Variants in ABCA9 observed in about 807,000 individuals in gnomAD.
ABCA9 encodes the protein ATP-binding cassette sub-family A member 9.
Under a neutral mutation model 205.3 loss-of-function variants are expected in ABCA9, and 183 were observed. The observed-to-expected ratio is 0.89, with a 90% CI of 0.79 to 1.01. The LOEUF is 1.01. ABCA9 is among the 50% of genes least tolerant of loss of function. The pLI is 0.00. For missense variants in ABCA9, 1,805 were observed against 1,912.4 expected, an observed-to-expected ratio of 0.94 and a Z score of 1.05; for synonymous variants, 651 against 683.3, an observed-to-expected ratio of 0.95 and a Z score of 0.74.
intron 35 of ABCA9, 90 bp from the exon 36 acceptor site, chr17:68,983,939 CAT>C: frequency 1.9e-6 from 3 of 1,602,812 alleles, no homozygotes; most frequent in Non-Finnish European, 2.6e-6. Context: ...AGTAAGGCCA[CAT>C]AGAGTTGGAA....
intron 12 of ABCA9, 38 bp downstream of exon 12, chr17:69,028,497 T>G (rs771540665): frequency 1.8e-5 from 25 of 1,398,468 alleles, no homozygotes; most frequent in Non-Finnish European, 2.5e-5. Flanking sequence ...ATTAATGTGT[T>G]TGTCCAGGTA....
At chr17:69,058,037 G>C (rs1230550000) in intron 1 of ABCA9, among the ~76,000 whole-genome samples, 3 of 152,182 alleles carry the variant, frequency 2.0e-5, no homozygotes, top group Admixed American at 6.5e-5. Context: ...GAAAGTTGTA[G>C]AGCTTTAGTG....
Position 69,027,390 on chromosome 17 carries a change from G to A in ABCA9, c.1851C>T (p.Asn617=), listed in dbSNP as rs139620510. ...MENIQDILAQ[N]LSGGQNRKLT... ...GTTTCCTATTTTGTCCACCACTTAA[G>A]TTTTGAGCAAGGATGTCTTGAATAT... Residue 617 remains asparagine (N), a synonymous_variant, in exon 14 of 39, where the codon AAC becomes AAT. Transcript: ENST00000340001. The A allele has an allele frequency of 1.6e-4, 263 of 1,613,220 alleles. No individual in the cohort carries two copies. Among genetic ancestry groups the A allele is most frequent in the Non-Finnish European group, 2.1e-4 (249 of 1,179,610 alleles).
chr17:68,975,933 G>A lies in ABCA9; in HGVS notation c.4857C>T (p.Leu1619=). 2 of 1,612,912 alleles carry A rather than the reference G, an allele frequency of 1.2e-6. No individual in the cohort carries two copies. The highest frequency in any genetic ancestry group is 1.7e-6 in the Non-Finnish European group (2 of 1,179,428). Residue 1619 remains leucine, a synonymous_variant, in exon 39 of 39, where the codon CTC becomes CTT. Coordinates refer to ENST00000340001, the MANE Select transcript of ABCA9 (RefSeq NM_080283.4). ...TGGAGCTTTAAGGCTCTTCCTGCAG[G>A]AGGAGTTTCCACTTCACCGAGGGAT... ...DFDPSVKWKL[L]LQEEP is the part of the protein sequence containing the mutation.
In ABCA9 at chr17:69,046,957, G is replaced by A. The variant is rs139098132; in HGVS notation, c.305-1621C>T. 4.6e-3 allele frequency among the ~76,000 whole-genome samples: 628 copies of A among 136,416 alleles called. 7 individuals are homozygous for A. The highest frequency in any genetic ancestry group is 0.016 in the African/African-American group (599 of 36,512). The allele number at this position is 136,416 out of a possible 152,430, so 89.5% of individuals were successfully genotyped here. ...AAATTTTATATATATATATATAATT[G>A]TTGTTTGTTGGTTTGTGTTTTTGAG... On this transcript the variant is annotated intron_variant, in intron 3 of 38. Coordinates refer to ENST00000340001, the MANE Select transcript of ABCA9 (RefSeq NM_080283.4).
At chr17:69,025,212 G>T (rs2144321543) in intron 16 of ABCA9, among the ~76,000 whole-genome samples, 1 of 152,244 alleles carries the variant, frequency 6.6e-6, no homozygotes, top group African/African-American at 2.4e-5. Context: ...TTTGCAGCTT[G>T]TCAAGTATTC....
At chr17:69,021,003 T>C (rs1381480936) in intron 18 of ABCA9, among the ~76,000 whole-genome samples, 4 of 152,124 alleles carry the variant, frequency 2.6e-5, no homozygotes, top group African/African-American at 4.8e-5. Flanking sequence ...TTTTAAAATA[T>C]AACCATGGTT....
intron 2 of ABCA9, among the ~76,000 whole-genome samples, chr17:69,050,145 ATCTT>A (rs1327766954): frequency 6.6e-6 from 1 of 152,004 alleles, no homozygotes; most frequent in Non-Finnish European, 1.5e-5. Context: ...ATCTGTTTCT[ATCTT>A]AATAGAAAAA....
chr17:69,057,063 CTT>C (rs2072090469), intron 1 of ABCA9, among the ~76,000 whole-genome samples: 1 of 152,146 alleles, frequency 6.6e-6, no homozygotes, highest in African/African-American at 2.4e-5. Context: ...TATAGACAAA[CTT>C]TATTCTTGCA....
chr17:69,028,621 C>T lies in ABCA9; in HGVS notation c.1529G>A (p.Gly510Asp), dbSNP rs755795064. The T allele has an allele frequency of 8.7e-6, 14 of 1,604,168 alleles. No homozygotes were observed. In the South Asian group the frequency reaches 1.6e-4, roughly 18 times the overall value. ...LKGVVFDIYE[G>D]QITALLGHSG... The stretch of plus-strand genomic sequence containing the variant: ...GTGACCAAGGAGGGCAGTGATCTGG[C>T]CTTCATATATGTCAAACACCACACC... Residue 510 changes from glycine (G) to aspartate (D), a missense_variant, in exon 12 of 39, where the codon GGC becomes GAC. By Grantham distance (94) the Gly-to-Asp change is moderately conservative. Coordinates refer to ENST00000340001, the MANE Select transcript of ABCA9 (RefSeq NM_080283.4).
Position 69,060,893 on chromosome 17 carries a change from G to C in ABCA9, c.-41C>G, listed in dbSNP as rs1236702591. 3.0e-6 allele frequency: 3 copies of C among 985,292 alleles called. No individual in the cohort carries two copies. Among genetic ancestry groups the C allele is most frequent in the East Asian group, 2.3e-4 (2 of 8,836 alleles). 61.0% of individuals were successfully genotyped at this position (985,292 alleles called of 1,614,324 possible). A position where few individuals can be genotyped will look rare whatever the true frequency, so the allele number is the denominator to read the frequency against. ...TCAGGAAAGCTGGAGGAAAAATCTA[G>C]AAACACAGTTCATCCATGGGTCTCT... On this transcript the variant is annotated 5_prime_UTR_variant, in exon 1 of 39. Transcript: ENST00000340001.
chr17:69,022,494 TTGTGTGTGTG>T (rs759682144), intron 17 of ABCA9: 1 of 147,324 alleles, frequency 6.8e-6, no homozygotes, highest in Non-Finnish European at 1.5e-5. Context: ...CTGGCTAATT[TTGTGTGTGTG>T]TGTGTGTGTG....
chr17:69,049,165 A>C, intron 3 of ABCA9, 118 bp downstream of exon 3: 1 of 1,130,854 alleles, frequency 8.8e-7, no homozygotes, highest in Non-Finnish European at 1.2e-6. Flanking sequence ...AATATACGTT[A>C]ATGTTGTTAA....
intron 25 of ABCA9, among the ~76,000 whole-genome samples, chr17:68,996,650 C>G (rs2069635239): frequency 6.6e-6 from 1 of 152,152 alleles, no homozygotes; most frequent in Non-Finnish European, 1.5e-5. Flanking sequence ...CACGTCACAC[C>G]ACACATCATT....
chr17:68,984,441 G>C (rs1340146657), intron 34 of ABCA9, among the ~76,000 whole-genome samples: 1 of 152,066 alleles, frequency 6.6e-6, no homozygotes, highest in East Asian at 1.9e-4. Context: ...TAGGAACAAA[G>C]AAAATTAGGA....
chr17:69,027,561 T>C (rs2071034557), intron 13 of ABCA9, 79 bp downstream of exon 13: 1 of 1,561,008 alleles, frequency 6.4e-7, no homozygotes, highest in East Asian at 2.3e-5. Flanking sequence ...GATGAGGAAT[T>C]ATGTATAACT....
At chr17:69,041,318 G>GA (rs1167705683) in intron 6 of ABCA9, among the ~76,000 whole-genome samples, 2 of 151,470 alleles carry the variant, frequency 1.3e-5, no homozygotes, top group Admixed American at 6.6e-5. Flanking sequence ...CTTATGAGAG[G>GA]AAAAAAAATG....
intron 12 of ABCA9, 151 bp from the exon 13 acceptor site, chr17:69,027,966 A>G: frequency 1.6e-6 from 1 of 629,864 alleles, no homozygotes; most frequent in South Asian, 2.3e-5. Flanking sequence ...TTAAAAATGT[A>G]ATGTTCACAA....
At chr17:69,021,634 T>C (rs1598383460) in intron 18 of ABCA9, 108 bp downstream of exon 18, 2 of 710,032 alleles carry the variant, frequency 2.8e-6, no homozygotes, top group Non-Finnish European at 4.5e-6. Flanking sequence ...TTTGGGCATA[T>C]TTTCAAGATA....
Sources: gnomAD v4.1 joint callset for allele counts (sites outside exome capture counted in the v4.1 genomes callset) on GRCh38, gnomAD v4.1.1 for gene constraint, MANE v1.5 for transcripts, NCBI Gene and HGNC (gene_info 2026-07-23, HGNC 2026-07-21) for gene names.